ARHGAP24: variants seen among roughly 807,000 people sequenced by gnomAD.
ARHGAP24 encodes the protein Rho GTPase activating protein 24, also known as rho GTPase-activating protein 24.
ARHGAP24 carries 50 observed loss-of-function variants against 76.4 expected under a neutral mutation model. The observed-to-expected ratio is 0.65, with a 90% CI of 0.52 to 0.83. ARHGAP24 has a LOEUF of 0.83. ARHGAP24 is among the 40% of genes least tolerant of loss of function. ARHGAP24 has a pLI of 0.00. For synonymous variants in ARHGAP24, 345 were observed against 323.3 expected (o/e 1.07, Z -0.72); for missense variants, 930 against 914.2 (o/e 1.02, Z -0.22).
intron 3 of ARHGAP24, among the ~76,000 whole-genome samples, chr4:85,898,704 TG>T: frequency 6.6e-6 from 1 of 152,348 alleles, no homozygotes; most frequent in South Asian, 2.1e-4. Context: ...AATCAGTTAT[TG>T]ATTCCAATAA....
intron 9 of ARHGAP24, among the ~76,000 whole-genome samples, chr4:85,998,775 T>A (rs1190848511): frequency 6.6e-6 from 1 of 152,170 alleles, no homozygotes. Flanking sequence ...CTCTTCTTCA[T>A]AAAAACAGTT....
chr4:85,499,712 C>T (rs1723725728), intron 1 of ARHGAP24, among the ~76,000 whole-genome samples: 1 of 152,070 alleles, frequency 6.6e-6, no homozygotes, highest in Non-Finnish European at 1.5e-5. Context: ...AAACATTTGG[C>T]TTAAAGATGA....
Position 85,535,882 on chromosome 4 carries a change from T to G in ARHGAP24, c.-20-34640T>G, listed in dbSNP as rs141547607. On this transcript the variant is annotated intron_variant, in intron 1 of 9. Coordinates refer to ENST00000395184, the MANE Select transcript of ARHGAP24 (RefSeq NM_001025616.3). ...TTCTCATTAGTCACTGTTTTTTCAT[T>G]TCTCTTTCAATTCTCTGAAGCTCTT... is the stretch of plus-strand genomic sequence containing the variant. Among the ~76,000 whole-genome samples the G allele has an allele frequency of 8.2e-3, 1,251 of 152,300 alleles. 11 individuals are homozygous for G. The highest frequency in any genetic ancestry group is 0.011 in the Non-Finnish European group (760 of 68,012).
chr4:85,868,248 G>C (rs1732318695), intron 3 of ARHGAP24, among the ~76,000 whole-genome samples: 2 of 152,108 alleles, frequency 1.3e-5, no homozygotes, highest in Admixed American at 6.6e-5. Context: ...CAATAGAAAG[G>C]AGTGTCTGGG....
At position 85,652,891 on chromosome 4, in the gene ARHGAP24, A is replaced by C. The variant is rs565080087; in HGVS notation, c.181-68994A>C. Among the ~76,000 whole-genome samples, 3 of 152,172 alleles carry C rather than the reference A, an allele frequency of 2.0e-5. No individual in the cohort carries two copies. The South Asian group carries it at 6.2e-4, about 32-fold the overall frequency. On this transcript the variant is annotated intron_variant, in intron 2 of 9. Transcript: ENST00000395184. Reference sequence around the variant, plus strand: ...GATTATTGTGACAAAAGATTTTCTGAGTTTTTTGTTTGTTTGTTTTAGAGT... The same window carrying C: ...GATTATTGTGACAAAAGATTTTCTGCGTTTTTTGTTTGTTTGTTTTAGAGT...
rs145434155 is a variant in ARHGAP24, at chr4:85,923,663, G to A, written c.284G>A (p.Arg95Gln). 602 of 1,613,704 alleles carry A rather than the reference G, an allele frequency of 3.7e-4. 1 individual carries two copies. Among genetic ancestry groups the A allele is most frequent in the Non-Finnish European group, 4.7e-4 (560 of 1,179,810 alleles). ...GTTTTCACAGGAGGCGATCGAGATC[G>A]GATGACAGCAAATCATGAAAGCTAC... ...FEVVPGGDRD[R>Q]MTANHESYLL... Residue 95 changes from arginine to glutamine, a missense_variant, in exon 4 of 10, where the codon CGG becomes CAG. Transcript: ENST00000395184.
intron 1 of ARHGAP24, among the ~76,000 whole-genome samples, chr4:85,564,325 T>C (rs966389289): frequency 1.3e-5 from 2 of 149,384 alleles, no homozygotes; most frequent in Non-Finnish European, 3.0e-5. Flanking sequence ...TTCTCGCTCA[T>C]AGGTGGGAAT....
rs77679571 is a variant in ARHGAP24, at chr4:85,880,948, C to A, written c.269-42700C>A. ...GTAGATGTTAGCAACCTCCGCACACCTTTTATTTTCTTTCCTTACTAAGTC... is the reference window on the plus strand; with the variant it reads ...GTAGATGTTAGCAACCTCCGCACACATTTTATTTTCTTTCCTTACTAAGTC... On this transcript the variant is annotated intron_variant, in intron 3 of 9. Transcript: ENST00000395184. 5.4e-3 allele frequency among the ~76,000 whole-genome samples: 827 copies of A among 152,212 alleles called. 4 individuals are homozygous for A. Among genetic ancestry groups the A allele is most frequent in the Non-Finnish European group, 8.5e-3 (580 of 68,014 alleles).
chr4:85,812,325 A>T (rs1210519309), intron 3 of ARHGAP24, among the ~76,000 whole-genome samples: 1 of 152,184 alleles, frequency 6.6e-6, no homozygotes, highest in Non-Finnish European at 1.5e-5. Flanking sequence ...AATTAAAGTA[A>T]ATCTTATTAC....
At chr4:85,674,165 G>A (rs865999539) in intron 2 of ARHGAP24, among the ~76,000 whole-genome samples, 2 of 151,940 alleles carry the variant, frequency 1.3e-5, no homozygotes, top group African/African-American at 4.8e-5. Context: ...TCTGCGGTGG[G>A]GCCCAATAAT....
At chr4:85,728,077 A>G (rs1039959377) in intron 3 of ARHGAP24, among the ~76,000 whole-genome samples, 2 of 152,258 alleles carry the variant, frequency 1.3e-5, no homozygotes, top group South Asian at 4.1e-4. Context: ...ATTATTTCCA[A>G]TACCCTCAGA....
intron 8 of ARHGAP24, 150 bp downstream of exon 8, chr4:85,977,841 C>A (rs1188393791): frequency 1.8e-5 from 18 of 1,028,178 alleles, no homozygotes; most frequent in Non-Finnish European, 2.5e-5. Context: ...ATGTAAAAAT[C>A]TTCCTTTTGA....
intron 2 of ARHGAP24, among the ~76,000 whole-genome samples, chr4:85,657,521 A>G (rs561189911): frequency 1.3e-5 from 2 of 152,312 alleles, no homozygotes; most frequent in South Asian, 2.1e-4. Context: ...CAGCAATGAC[A>G]CTTGACTGTG....
intron 3 of ARHGAP24, among the ~76,000 whole-genome samples, chr4:85,757,362 C>T (rs1365276512): frequency 6.6e-6 from 1 of 151,882 alleles, no homozygotes; most frequent in East Asian, 1.9e-4. Flanking sequence ...GCTATCCCTC[C>T]CCTCTCCCGC....
chr4:85,486,550 G>A (rs1316968080), intron 1 of ARHGAP24, among the ~76,000 whole-genome samples: 1 of 152,176 alleles, frequency 6.6e-6, no homozygotes, highest in East Asian at 1.9e-4. Context: ...TATCTAAGAT[G>A]ACAACTGGTG....
intron 1 of ARHGAP24, among the ~76,000 whole-genome samples, chr4:85,549,083 A>C (rs544725667): frequency 6.6e-6 from 1 of 151,840 alleles, no homozygotes; most frequent in South Asian, 2.1e-4. Context: ...GGTTACTTCC[A>C]GTTTCTGGCT....
At chr4:85,619,140 T>C (rs1720626679) in intron 2 of ARHGAP24, among the ~76,000 whole-genome samples, 1 of 152,120 alleles carries the variant, frequency 6.6e-6, no homozygotes, top group African/African-American at 2.4e-5. Flanking sequence ...TTAATTTTTG[T>C]ATATAGTGTA....
At chr4:85,483,185 A>C (rs906774396) in intron 1 of ARHGAP24, among the ~76,000 whole-genome samples, 5 of 152,146 alleles carry the variant, frequency 3.3e-5, no homozygotes, top group African/African-American at 1.2e-4. Context: ...AGTGACAAAC[A>C]GGGGGAATCC....
chr4:85,950,281 G>T (rs1487521138), intron 5 of ARHGAP24, among the ~76,000 whole-genome samples: 1 of 151,898 alleles, frequency 6.6e-6, no homozygotes, highest in Non-Finnish European at 1.5e-5. Flanking sequence ...TCCCTTAAGG[G>T]TAAGAGTTCC....
Sources: gnomAD v4.1 joint callset for allele counts (sites outside exome capture counted in the v4.1 genomes callset) on GRCh38, gnomAD v4.1.1 for gene constraint, MANE v1.5 for transcripts, NCBI Gene and HGNC (gene_info 2026-07-23, HGNC 2026-07-21) for gene names.